PDE6B: variants seen among roughly 807,000 people sequenced by gnomAD.
PDE6B encodes phosphodiesterase 6B, also known as rod cGMP-specific 3',5'-cyclic phosphodiesterase subunit beta.
A neutral mutation model predicts 109.0 loss-of-function variants in PDE6B; 106 were observed. The observed-to-expected ratio is 0.97, with a 90% CI of 0.83 to 1.14. The LOEUF is 1.14. PDE6B is among the 50% of genes most tolerant of loss of function. The pLI is 0.00. For missense variants in PDE6B, 1,193 were observed against 1,155.6 expected (o/e 1.03, Z -0.47); for synonymous variants, 490 against 471.3 (o/e 1.04, Z -0.51).
chr4:645,734 G>A (rs1197906926), intron 3 of PDE6B, among the ~76,000 whole-genome samples: 3 of 151,300 alleles, frequency 2.0e-5, no homozygotes, highest in East Asian at 1.9e-4. Flanking sequence ...TTAATTGAAC[G>A]TCTTATCCCA....
Position 663,916 on chromosome 4 carries a change from C to A in PDE6B, c.2021+46C>A, listed in dbSNP as rs1737452127. Reference sequence around the variant, plus strand: ...GGCGCCTCGCGGGGCGGGCGGGTAGCCTGGGACCCCCGGCAGACACGGGGG... The same window carrying A: ...GGCGCCTCGCGGGGCGGGCGGGTAGACTGGGACCCCCGGCAGACACGGGGG... On this transcript the variant is annotated intron_variant, in intron 16 of 21. Coordinates refer to ENST00000496514, the MANE Select transcript of PDE6B (RefSeq NM_000283.4). The surrounding 1 kb of genome is among the most constrained non-coding windows in gnomAD (Gnocchi z 4.0). 1 of 1,415,008 alleles carries A rather than the reference C, an allele frequency of 7.1e-7. No individual in the cohort carries two copies. The highest frequency in any genetic ancestry group is 9.8e-7 in the Non-Finnish European group (1 of 1,018,930). The allele number at this position is 1,415,008 out of a possible 1,614,324, so 87.7% of individuals were successfully genotyped here. A position where few individuals can be genotyped will look rare whatever the true frequency, so the allele number is the denominator to read the frequency against.
chr4:649,149 G>A (rs542326825), intron 3 of PDE6B, among the ~76,000 whole-genome samples: 3 of 152,356 alleles, frequency 2.0e-5, no homozygotes, highest in Non-Finnish European at 2.9e-5. Flanking sequence ...GGCCAACAGC[G>A]ACCCACAGTG....
chr4:662,649 G>A lies in PDE6B; in HGVS notation c.1832+31G>A. The A allele has an allele frequency of 1.5e-6, 2 of 1,344,172 alleles. No individual in the cohort carries two copies. Among genetic ancestry groups the A allele is most frequent in the South Asian group, 2.3e-5 (2 of 85,870 alleles). The allele number at this position is 1,344,172 out of a possible 1,614,324, so 83.3% of individuals were successfully genotyped here. A position where few individuals can be genotyped will look rare whatever the true frequency, so the allele number is the denominator to read the frequency against. On this transcript the variant is annotated intron_variant, in intron 14 of 21. Coordinates refer to ENST00000496514, the MANE Select transcript of PDE6B (RefSeq NM_000283.4). This position sits in a 1 kb window ranked among gnomAD's most constrained non-coding sequence, Gnocchi z 4.3. ...CACCTCAGGGCGGGCATGTGAATTA[G>A]CCCTAAATCAACTCCACGCCCTTGG...
chr4:638,450 G>A (rs1471566373), intron 3 of PDE6B, among the ~76,000 whole-genome samples: 5 of 152,094 alleles, frequency 3.3e-5, no homozygotes, highest in Non-Finnish European at 7.3e-5. Flanking sequence ...AGCCTCCAGA[G>A]TAGCTGGGAT....
chr4:669,666 GCCATGCTATTCCCGCTACC>G (rs1415386753), intron 21 of PDE6B, among the ~76,000 whole-genome samples: 22 of 29,962 alleles, frequency 7.3e-4, no homozygotes, highest in African/African-American at 2.1e-3. Flanking sequence ...TTCCCGCTAC[GCCATGCTATTCCCGCTACC>G]CCATGCTATT....
Position 654,093 on chromosome 4 carries a change from T to A in PDE6B, c.866T>A (p.Val289Glu). The change falls in exon 5 of 22, where the codon GTG (valine) becomes GAG (glutamate). Residue 289 changes from valine (V) to glutamate (E), a missense_variant. Val to Glu is a moderately radical substitution (Grantham distance 121). Transcript: ENST00000496514. ...TTCTCTGCCCAGGAATTTTTTGACG[T>A]GTGGTCTGTGCTGATGGGAGAGTCC... The part of the protein sequence containing the change: ...DMTKEKEFFD[V>E]WSVLMGESQP... 2.5e-6 allele frequency: 4 copies of A among 1,613,876 alleles called. No individual in the cohort carries two copies. Among genetic ancestry groups the A allele is most frequent in the Non-Finnish European group, 3.4e-6 (4 of 1,180,024 alleles).
rs1450468473 is a variant in PDE6B, at chr4:663,828, TG to T, written c.1981del (p.Asp661ThrfsTer52). The part of the protein sequence containing the change: ...RRQHEHVIHL[M>X]DIAIIATDLA... Reference sequence around the variant, plus strand: ...CAGCACGAGCACGTGATCCACCTGATGGACATCGCCATCATCGCCACGGACC... The same window carrying T: ...CAGCACGAGCACGTGATCCACCTGATGACATCGCCATCATCGCCACGGACC... On this transcript the variant is annotated frameshift_variant, in exon 16 of 22. Coordinates refer to ENST00000496514, the MANE Select transcript of PDE6B (RefSeq NM_000283.4). LOFTEE classifies it high-confidence loss of function. The surrounding 1 kb of genome is among the most constrained non-coding windows in gnomAD (Gnocchi z 4.0). 2 of 1,612,516 alleles carry T rather than the reference TG, an allele frequency of 1.2e-6. No individual in the cohort carries two copies. The highest frequency in any genetic ancestry group is 2.2e-5 in the South Asian group (2 of 91,082).
intron 3 of PDE6B, among the ~76,000 whole-genome samples, chr4:641,891 C>T (rs1734964286): frequency 6.6e-6 from 1 of 152,132 alleles, no homozygotes; most frequent in Non-Finnish European, 1.5e-5. Context: ...AGGTGATCTG[C>T]CCACATCAGC....
intron 12 of PDE6B, among the ~76,000 whole-genome samples, chr4:660,934 GAATA>G (rs1245054675): frequency 3.0e-4 from 4 of 13,208 alleles, no homozygotes; most frequent in Admixed American, 9.6e-4. Flanking sequence ...AACAAAGGAA[GAATA>G]AATGAATGGA....
chr4:655,616 C>T (rs947557405), intron 6 of PDE6B: 1 of 459,600 alleles, frequency 2.2e-6, no homozygotes, highest in Non-Finnish European at 4.0e-6. Context: ...CCAACCCACG[C>T]CCTGGCCTCC....
At chr4:664,581 C>T (rs1004775518) in intron 17 of PDE6B, among the ~76,000 whole-genome samples, 1 of 152,088 alleles carries the variant, frequency 6.6e-6, no homozygotes. Flanking sequence ...CTTGGGAGGC[C>T]GAGGGGAGTG....
intron 20 of PDE6B, among the ~76,000 whole-genome samples, chr4:667,223 G>A (rs2109280583): frequency 6.6e-6 from 1 of 152,258 alleles, no homozygotes; most frequent in Non-Finnish European, 1.5e-5. Context: ...ACACTCCCTG[G>A]TGATGGAATC....
intron 3 of PDE6B, among the ~76,000 whole-genome samples, chr4:646,888 T>C (rs1159926569): frequency 6.6e-6 from 1 of 151,884 alleles, no homozygotes; most frequent in African/African-American, 2.4e-5. Context: ...GACATTGTCT[T>C]GCTCTGTGGC....
Position 654,092 on chromosome 4 carries a change from G to T in PDE6B, c.865G>T (p.Val289Leu), listed in dbSNP as rs377200859. ...CTTCTCTGCCCAGGAATTTTTTGAC[G>T]TGTGGTCTGTGCTGATGGGAGAGTC... ...DMTKEKEFFDVWSVLMGESQP... is the reference protein window; with the variant it reads ...DMTKEKEFFDLWSVLMGESQP... The change falls in exon 5 of 22, where the codon GTG becomes TTG. Residue 289 changes from valine (V) to leucine (L), a missense_variant. Val to Leu is a conservative substitution (Grantham distance 32). Coordinates refer to ENST00000496514, the MANE Select transcript of PDE6B (RefSeq NM_000283.4). 2 of 1,613,856 alleles carry T rather than the reference G, an allele frequency of 1.2e-6. No individual in the cohort carries two copies. The highest frequency in any genetic ancestry group is 1.7e-6 in the Non-Finnish European group (2 of 1,180,018).
intron 9 of PDE6B, 27 bp from the exon 10 acceptor site, chr4:657,324 C>T (rs371448693): frequency 6.5e-4 from 1,051 of 1,612,054 alleles, no homozygotes; most frequent in Non-Finnish European, 8.2e-4. Flanking sequence ...GAGCGCTGAG[C>T]GCCAGTGACA....
Position 670,220 on chromosome 4 carries a change from G to A in PDE6B, c.*113G>A, listed in dbSNP as rs961095150. The A allele has an allele frequency of 1.5e-6, 2 of 1,328,072 alleles. No individual in the cohort carries two copies. Among genetic ancestry groups the A allele is most frequent in the South Asian group, 1.3e-5 (1 of 78,924 alleles). 82.3% of individuals were successfully genotyped at this position (1,328,072 alleles called of 1,614,324 possible). A position where few individuals can be genotyped will look rare whatever the true frequency, so the allele number is the denominator to read the frequency against. On this transcript the variant is annotated 3_prime_UTR_variant, in exon 22 of 22. Coordinates refer to ENST00000496514, the MANE Select transcript of PDE6B (RefSeq NM_000283.4). ...TAGGAAGCCCAAGAAAATGACTGAA[G>A]ATCATTCTGGATATTTTAATTTTTT...
rs1345784254 is a variant in PDE6B, at chr4:662,139, G to A, written c.1620G>A (p.Leu540=). 2.6e-6 allele frequency: 4 copies of A among 1,544,542 alleles called. No homozygotes were observed. Among genetic ancestry groups the A allele is most frequent in the Non-Finnish European group, 3.5e-6 (4 of 1,136,112 alleles). The change falls in exon 13 of 22, where the codon CTG becomes CTA. Residue 540 remains leucine, a synonymous_variant. Coordinates refer to ENST00000496514, the MANE Select transcript of PDE6B (RefSeq NM_000283.4). The surrounding 1 kb of genome is among the most constrained non-coding windows in gnomAD (Gnocchi z 4.3). ...VRKFQIPQEV[L]VRFLFSISKG... is the part of the protein sequence containing the mutation. ...TGTCCTCTCGGCTCCCCCAGGTCCTGGTGCGGTTCCTGTTCTCCATCAGCA... is the reference window on the plus strand; with the variant it reads ...TGTCCTCTCGGCTCCCCCAGGTCCTAGTGCGGTTCCTGTTCTCCATCAGCA...
intron 10 of PDE6B, among the ~76,000 whole-genome samples, chr4:658,250 G>A (rs73056602): frequency 0.16 from 21,065 of 132,076 alleles, 2,071 homozygotes; most frequent in African/African-American, 0.27. Flanking sequence ...CTGTGGCAGG[G>A]ACAGGTCACC....
At chr4:629,443 T>A (rs1476355627) in intron 1 of PDE6B, among the ~76,000 whole-genome samples, 1 of 152,206 alleles carries the variant, frequency 6.6e-6, no homozygotes, top group Non-Finnish European at 1.5e-5. Context: ...CAGCGGTTTC[T>A]GAGCCCAGCC....
Sources: allele counts gnomAD v4.1 joint callset (sites outside exome capture counted in the v4.1 genomes callset), GRCh38; gene constraint gnomAD v4.1.1; non-coding constraint Gnocchi (gnomAD v3.1); transcripts MANE v1.5; gene names NCBI Gene and HGNC (gene_info 2026-07-23, HGNC 2026-07-21).